Variants in KIRREL3 observed in about 807,000 individuals in gnomAD.
The protein encoded by KIRREL3 is kin of IRRE-like protein 3.
Under a neutral mutation model 89.7 loss-of-function variants are expected in KIRREL3, and 36 were observed. The observed-to-expected ratio is 0.40, with a 90% confidence interval of 0.31 to 0.53. The LOEUF is 0.53. Among genes scored for constraint, KIRREL3 ranks in the 20% least tolerant of loss-of-function variants. The pLI is 0.49. For synonymous variants in KIRREL3, 445 were observed against 441.4 expected, an observed-to-expected ratio of 1.01 and a Z score of -0.10; for missense variants, 864 against 1,056.6, an observed-to-expected ratio of 0.82 and a Z score of 2.53.
intron 1 of KIRREL3, among the ~76,000 whole-genome samples, chr11:126,933,622 A>G (rs1002121848): frequency 6.6e-6 from 1 of 152,034 alleles, no homozygotes; most frequent in Non-Finnish European, 1.5e-5. Context: ...AGATCAATAC[A>G]CAAAATTAAT....
chr11:126,766,067 T>C lies in KIRREL3; in HGVS notation c.56-203155A>G, dbSNP rs1308753866. Among the ~76,000 whole-genome samples, 3 of 151,888 alleles carry C rather than the reference T, an allele frequency of 2.0e-5. No homozygotes were observed. Among genetic ancestry groups the C allele is most frequent in the African/African-American group, 7.3e-5 (3 of 41,362 alleles). ...TTTGCCGTTTACTTCCAAATTCCCATAACTCACTGCTTTTGCCAGCCCTCC... is the reference window on the plus strand; with the variant it reads ...TTTGCCGTTTACTTCCAAATTCCCACAACTCACTGCTTTTGCCAGCCCTCC... On this transcript the variant is annotated intron_variant, in intron 1 of 16. Coordinates refer to ENST00000525144, the MANE Select transcript of KIRREL3 (RefSeq NM_032531.4). The surrounding 1 kb of genome is among the most constrained non-coding windows in gnomAD (Gnocchi z 4.2).
chr11:126,545,189 C>T (rs538087458), intron 2 of KIRREL3, among the ~76,000 whole-genome samples: 1 of 152,184 alleles, frequency 6.6e-6, no homozygotes, highest in South Asian at 2.1e-4. Flanking sequence ...CTCTTCATCT[C>T]GGGAGAAGGA....
chr11:126,722,939 AT>A (rs1948234134), intron 1 of KIRREL3, among the ~76,000 whole-genome samples: 1 of 152,208 alleles, frequency 6.6e-6, no homozygotes, highest in Non-Finnish European at 1.5e-5. Flanking sequence ...ACGAAATCTC[AT>A]TTCTCTTACT....
chr11:126,745,288 T>C (rs765206679), intron 1 of KIRREL3, among the ~76,000 whole-genome samples: 2 of 152,054 alleles, frequency 1.3e-5, no homozygotes, highest in African/African-American at 2.4e-5. Context: ...TTGTAGTACA[T>C]GCTATAGCAA....
intron 2 of KIRREL3, among the ~76,000 whole-genome samples, chr11:126,529,523 G>A (rs4937147): frequency 0.14 from 21,416 of 151,296 alleles, 1,691 homozygotes; most frequent in Middle Eastern, 0.2. Context: ...AGGCTTGGAG[G>A]TGTAGGATCC....
At chr11:127,002,574 A>T (rs1215074138), upstream of KIRREL3, among the ~76,000 whole-genome samples, 5 of 152,210 alleles carry the variant, frequency 3.3e-5, no homozygotes, top group Non-Finnish European at 4.4e-5. Flanking sequence ...AAATAACTCT[A>T]TGTATAGCGC....
chr11:126,737,981 A>T (rs543710702), intron 1 of KIRREL3, among the ~76,000 whole-genome samples: 14 of 152,202 alleles, frequency 9.2e-5, no homozygotes, highest in Non-Finnish European at 1.5e-4. Flanking sequence ...ATTTAACTGT[A>T]TTTTTGTCCT....
rs1396327832 is a variant in KIRREL3 at position 126,705,914 on chromosome 11, T to A, written c.56-143002A>T. 6.6e-6 allele frequency among the ~76,000 whole-genome samples: 1 copy of A among 152,222 alleles called. No homozygotes were observed. Among genetic ancestry groups the A allele is most frequent in the Admixed American group, 6.5e-5 (1 of 15,282 alleles). ...TGTTTCTGCTTGCAGTCACTTAGAA[T>A]GCTCCTTTTCAGAATCTGGCCCCTG... is the stretch of plus-strand genomic sequence containing the variant. On this transcript the variant is annotated intron_variant, in intron 1 of 16. Transcript: ENST00000525144. The surrounding 1 kb of genome is among the most constrained non-coding windows in gnomAD (Gnocchi z 4.3).
Position 126,740,375 on chromosome 11 carries a change from T to C in KIRREL3, c.56-177463A>G, listed in dbSNP as rs955771407. ...ATTGCTAAACTCAGTGGAGATGGTA[T>C]TCATTCTGTGTTTGGTGCTGCAGTA... On this transcript the variant is annotated intron_variant, in intron 1 of 16. Coordinates refer to ENST00000525144, the MANE Select transcript of KIRREL3 (RefSeq NM_032531.4). The surrounding 1 kb of genome is among the most constrained non-coding windows in gnomAD (Gnocchi z 6.0). 2.0e-5 allele frequency among the ~76,000 whole-genome samples: 3 copies of C among 147,436 alleles called. No individual in the cohort carries two copies. Among genetic ancestry groups the C allele is most frequent in the African/African-American group, 7.6e-5 (3 of 39,494 alleles).
chr11:126,721,570 A>T (rs1948172545), intron 1 of KIRREL3, among the ~76,000 whole-genome samples: 1 of 151,966 alleles, frequency 6.6e-6, no homozygotes, highest in African/African-American at 2.4e-5. Flanking sequence ...AATAAATAAG[A>T]TAACACATGC....
rs150097014 is a variant in KIRREL3 at position 126,887,824 on chromosome 11, G to A, written c.55+112631C>T. ...CATCATATTAGAAAAATGAAGATAG[G>A]CGTAACCTTCAGAATCAGTTAAACA... is the stretch of plus-strand genomic sequence containing the variant. On this transcript the variant is annotated intron_variant, in intron 1 of 16. Transcript: ENST00000525144. Among the ~76,000 whole-genome samples the A allele has an allele frequency of 7.1e-4, 108 of 152,276 alleles. 1 individual carries two copies. The highest frequency in any genetic ancestry group is 3.4e-3 in the Middle Eastern group (1 of 294).
In KIRREL3 at chr11:126,955,933, A is replaced by T. The variant is rs144709574; in HGVS notation, c.55+44522T>A. On this transcript the variant is annotated intron_variant, in intron 1 of 16. Transcript: ENST00000525144. This position sits in a 1 kb window ranked among gnomAD's most constrained non-coding sequence, Gnocchi z 4.6. ...ATATTACCCTGGAAACATGAATTGAATTACACAACAAAATGCAAAATGTTA... is the reference window on the plus strand; with the variant it reads ...ATATTACCCTGGAAACATGAATTGATTTACACAACAAAATGCAAAATGTTA... Among the ~76,000 whole-genome samples the T allele has an allele frequency of 6.3e-3, 964 of 152,300 alleles. 10 individuals carry two copies. The highest frequency in any genetic ancestry group is 9.4e-3 in the Non-Finnish European group (640 of 68,028).
chr11:126,559,805 G>A (rs1374526762), intron 2 of KIRREL3, among the ~76,000 whole-genome samples: 1 of 151,902 alleles, frequency 6.6e-6, no homozygotes, highest in Non-Finnish European at 1.5e-5. Context: ...GAGTAGCTGG[G>A]GCTACAGGTG....
At position 126,459,192 on chromosome 11, in the gene KIRREL3, C is replaced by T. The variant is rs541021610; in HGVS notation, c.743-2738G>A. On this transcript the variant is annotated intron_variant, in intron 6 of 16. Coordinates refer to ENST00000525144, the MANE Select transcript of KIRREL3 (RefSeq NM_032531.4). The surrounding 1 kb of genome is among the most constrained non-coding windows in gnomAD (Gnocchi z 4.8). ...GCCAGTCCCATAGGCTCAAGGGACC[C>T]GCCACAGAACTTGGGGGGCTGTTCC... is the stretch of plus-strand genomic sequence containing the variant. 4.7e-4 allele frequency among the ~76,000 whole-genome samples: 72 copies of T among 152,260 alleles called. No homozygotes were observed. The highest frequency in any genetic ancestry group is 1.6e-3 in the African/African-American group (66 of 41,566).
chr11:126,851,225 C>T (rs117232989), intron 1 of KIRREL3, among the ~76,000 whole-genome samples: 1 of 152,178 alleles, frequency 6.6e-6, no homozygotes. Context: ...ATGAAAGAGC[C>T]ATATTTTGGT....
rs900633411 is a variant in KIRREL3 at position 126,531,324 on chromosome 11, G to A, written c.134-4637C>T. On this transcript the variant is annotated intron_variant, in intron 2 of 16. Coordinates refer to ENST00000525144, the MANE Select transcript of KIRREL3 (RefSeq NM_032531.4). This position sits in a 1 kb window ranked among gnomAD's most constrained non-coding sequence, Gnocchi z 4.7. ...TTAATGTGCTGAACCTGGATTTTCC[G>A]TCTTAATTCACCACTTGCTTCAGGG... Among the ~76,000 whole-genome samples the A allele has an allele frequency of 1.2e-4, 18 of 152,158 alleles. No individual in the cohort carries two copies. Among genetic ancestry groups the A allele is most frequent in the African/African-American group, 2.7e-4 (11 of 41,424 alleles).
chr11:126,843,002 C>G lies in KIRREL3; in HGVS notation c.55+157453G>C, dbSNP rs893498804. ...GGCCTTTACTTGGTGCTGTGAGGAA[C>G]TTGTGAGTTCTGAGTTCATCTGATC... On this transcript the variant is annotated intron_variant, in intron 1 of 16. Transcript: ENST00000525144. The surrounding 1 kb of genome is among the most constrained non-coding windows in gnomAD (Gnocchi z 4.6). Among the ~76,000 whole-genome samples, 1 of 151,708 alleles carries G rather than the reference C, an allele frequency of 6.6e-6. No individual in the cohort carries two copies. Among genetic ancestry groups the G allele is most frequent in the Non-Finnish European group, 1.5e-5 (1 of 67,990 alleles).
intron 1 of KIRREL3, among the ~76,000 whole-genome samples, chr11:126,667,940 A>G (rs143035995): frequency 2.0e-5 from 3 of 152,080 alleles, no homozygotes; most frequent in East Asian, 1.9e-4. Flanking sequence ...TTGGAGAAAA[A>G]TCCTGTAGCT....
In KIRREL3 at chr11:126,689,042, AAGAG is replaced by A. The variant is rs58257040; in HGVS notation, c.56-126134_56-126131del. ...ATGTGTGTGTGTGTAAGGGGGAGAGAAGAGAGAGAGAGAGAGAGAGAGAGAGAGA... is the reference window on the plus strand; with the variant it reads ...ATGTGTGTGTGTGTAAGGGGGAGAGAAGAGAGAGAGAGAGAGAGAGAGAGA... On this transcript the variant is annotated intron_variant, in intron 1 of 16. Coordinates refer to ENST00000525144, the MANE Select transcript of KIRREL3 (RefSeq NM_032531.4). The surrounding 1 kb of genome is among the most constrained non-coding windows in gnomAD (Gnocchi z 5.2). Among the ~76,000 whole-genome samples, 4,212 of 129,640 alleles carry A rather than the reference AAGAG, an allele frequency of 0.032. 83 individuals carry two copies. The highest frequency in any genetic ancestry group is 0.084 in the South Asian group (302 of 3,592). 85.0% of individuals were successfully genotyped at this position (129,640 alleles called of 152,430 possible). A position where few individuals can be genotyped will look rare whatever the true frequency, so the allele number is the denominator to read the frequency against.
Sources: allele counts gnomAD v4.1 joint callset (sites outside exome capture counted in the v4.1 genomes callset), GRCh38; gene constraint gnomAD v4.1.1; non-coding constraint Gnocchi (gnomAD v3.1); transcripts MANE v1.5; gene names NCBI Gene and HGNC (gene_info 2026-07-23, HGNC 2026-07-21).